ASTN2: variants seen among roughly 807,000 people sequenced by gnomAD.
ASTN2 encodes astrotactin 2.
ASTN2 carries 54 observed loss-of-function variants against 139.8 expected under a neutral mutation model. That is an observed-to-expected ratio of 0.39 (90% CI 0.31 to 0.48). The LOEUF (loss-of-function observed/expected upper bound fraction) is 0.48. Ranked by LOEUF, ASTN2 falls within the 20% of genes least tolerant of loss-of-function variation. The probability of loss-of-function intolerance (pLI) is 0.95; values close to 1 mark genes in which losing one functional copy is unlikely to be tolerated. For missense variants in ASTN2, 1,565 were observed against 1,725.1 expected (o/e 0.91, Z 1.64); for synonymous variants, 756 against 719.5 (o/e 1.05, Z -0.81).
In ASTN2 at chr9:116,893,159, T is replaced by TCACACA. The variant is rs56263614; in HGVS notation, c.1890-29432_1890-29427dup. Among the ~76,000 whole-genome samples the TCACACA allele has an allele frequency of 3.9e-3, 581 of 149,342 alleles. 1 individual carries two copies. The highest frequency in any genetic ancestry group is 6.9e-3 in the Middle Eastern group (2 of 288). ...GTTGCCAAAATCTACTAAAGGTGTA[T>TCACACA]CACACACACACACACACACACACAC... On this transcript the variant is annotated intron_variant, in intron 10 of 22. Transcript: ENST00000313400.
At chr9:116,984,495 T>G (rs1379031540) in intron 7 of ASTN2, among the ~76,000 whole-genome samples, 5 of 152,196 alleles carry the variant, frequency 3.3e-5, no homozygotes, top group Non-Finnish European at 7.3e-5. Flanking sequence ...GCAGGGTCAC[T>G]TGAGACCAAC....
At chr9:117,110,209 A>G (rs1241108597) in intron 4 of ASTN2, among the ~76,000 whole-genome samples, 1 of 152,220 alleles carries the variant, frequency 6.6e-6, no homozygotes, top group East Asian at 1.9e-4. Context: ...TGCTGCAAGC[A>G]GTGCAAATTT....
chr9:117,158,950 C>A (rs1830487918), intron 3 of ASTN2, among the ~76,000 whole-genome samples: 1 of 151,946 alleles, frequency 6.6e-6, no homozygotes, highest in African/African-American at 2.4e-5. Flanking sequence ...CTTTCTGCAT[C>A]CTTGTCCTCT....
intron 6 of ASTN2, among the ~76,000 whole-genome samples, chr9:117,010,963 T>G (rs1378166857): frequency 2.6e-5 from 4 of 152,130 alleles, no homozygotes; most frequent in East Asian, 1.9e-4. Context: ...GGAAGGCATT[T>G]CTCAAAAAAG....
chr9:116,960,597 G>T (rs186606267), intron 10 of ASTN2, among the ~76,000 whole-genome samples: 40 of 151,884 alleles, frequency 2.6e-4, no homozygotes, highest in Admixed American at 2.5e-3. Context: ...GCATTGTAGG[G>T]TGTTTAGCAA....
chr9:116,858,459 A>C (rs183717180), intron 11 of ASTN2, among the ~76,000 whole-genome samples: 4 of 152,316 alleles, frequency 2.6e-5, no homozygotes, highest in African/African-American at 9.6e-5. Context: ...GCAGTTACTT[A>C]GAGATGGTGG....
chr9:117,123,270 G>A (rs1365614368), intron 4 of ASTN2, among the ~76,000 whole-genome samples: 1 of 151,790 alleles, frequency 6.6e-6, no homozygotes, highest in Non-Finnish European at 1.5e-5. Context: ...AGACCTGTGG[G>A]CACCACTCCA....
chr9:116,987,038 C>G (rs1218658155), intron 7 of ASTN2, among the ~76,000 whole-genome samples: 1 of 152,204 alleles, frequency 6.6e-6, no homozygotes, highest in Admixed American at 6.5e-5. Context: ...AACCCCTCTG[C>G]AAAAATACAG....
intron 19 of ASTN2, among the ~76,000 whole-genome samples, chr9:116,564,178 T>C (rs1223483584): frequency 6.6e-6 from 1 of 152,222 alleles, no homozygotes; most frequent in Non-Finnish European, 1.5e-5. Flanking sequence ...ATAGTTAAAA[T>C]GACATAGGCC....
intron 1 of ASTN2, among the ~76,000 whole-genome samples, chr9:117,326,757 C>G (rs1425154981): frequency 6.6e-6 from 1 of 151,292 alleles, no homozygotes; most frequent in Non-Finnish European, 1.5e-5. Context: ...GTTCCAAGTG[C>G]CAAGAGAGAG....
chr9:116,756,708 C>T (rs1035719349), intron 13 of ASTN2, among the ~76,000 whole-genome samples: 2 of 151,986 alleles, frequency 1.3e-5, no homozygotes, highest in Non-Finnish European at 2.9e-5. Context: ...CGGCCTCCAT[C>T]CCTGTTACTT....
At chr9:117,007,339 C>T (rs1195349215) in intron 7 of ASTN2, among the ~76,000 whole-genome samples, 6 of 152,144 alleles carry the variant, frequency 3.9e-5, no homozygotes, top group Non-Finnish European at 8.8e-5. Context: ...GCAGCACTGT[C>T]CCATAGAAAT....
chr9:116,497,559 T>C (rs1240870451), intron 19 of ASTN2, among the ~76,000 whole-genome samples: 1 of 152,190 alleles, frequency 6.6e-6, no homozygotes, highest in Non-Finnish European at 1.5e-5. Flanking sequence ...AACATTAATA[T>C]GCACTTGGCT....
At chr9:116,655,158 CA>C (rs1858136949) in intron 16 of ASTN2, among the ~76,000 whole-genome samples, 1 of 152,158 alleles carries the variant, frequency 6.6e-6, no homozygotes, top group African/African-American at 2.4e-5. Context: ...CTTGTATTAA[CA>C]GTGATCCATT....
intron 3 of ASTN2, among the ~76,000 whole-genome samples, chr9:117,157,058 T>G (rs1830448290): frequency 6.6e-6 from 1 of 151,984 alleles, no homozygotes; most frequent in African/African-American, 2.4e-5. Flanking sequence ...ATTCGTTATC[T>G]AGCTCTCCGC....
At chr9:117,038,140 G>A (rs1838445163) in intron 6 of ASTN2, among the ~76,000 whole-genome samples, 2 of 152,164 alleles carry the variant, frequency 1.3e-5, no homozygotes, top group South Asian at 4.1e-4. Flanking sequence ...AGAAGTTTGA[G>A]TGTTTCAGAG....
intron 1 of ASTN2, among the ~76,000 whole-genome samples, chr9:117,303,943 A>C (rs1335931277): frequency 6.6e-6 from 1 of 152,158 alleles, no homozygotes. Flanking sequence ...GATCCCTGCA[A>C]TTGTCATGTG....
chr9:116,661,793 C>T (rs1858576060), intron 16 of ASTN2, among the ~76,000 whole-genome samples: 1 of 151,768 alleles, frequency 6.6e-6, no homozygotes, highest in Non-Finnish European at 1.5e-5. Flanking sequence ...GTGACTCACT[C>T]ATAGGTGGGA....
At chr9:116,927,900 T>C (rs1462960460) in intron 10 of ASTN2, among the ~76,000 whole-genome samples, 1 of 152,244 alleles carries the variant, frequency 6.6e-6, no homozygotes, top group Non-Finnish European at 1.5e-5. Context: ...CAGCTCCCTG[T>C]GGTGTTTTTC....
Sources: gnomAD v4.1 joint callset for allele counts (sites outside exome capture counted in the v4.1 genomes callset) on GRCh38, gnomAD v4.1.1 for gene constraint, MANE v1.5 for transcripts, NCBI Gene and HGNC (gene_info 2026-07-23, HGNC 2026-07-21) for gene names.